LRRC4C: variants seen among roughly 807,000 people sequenced by gnomAD.
The protein encoded by LRRC4C is leucine rich repeat containing 4C, also known as leucine-rich repeat-containing protein 4C.
A neutral mutation model predicts 33.6 loss-of-function variants in LRRC4C; 5 were observed. That is an observed-to-expected ratio of 0.15 (90% CI 0.08 to 0.31). LRRC4C has a LOEUF of 0.31. Among genes scored for constraint, LRRC4C ranks in the 10% least tolerant of loss-of-function variants. The probability of loss-of-function intolerance (pLI) is 1.00; values close to 1 mark genes in which losing one functional copy is unlikely to be tolerated. For synonymous variants in LRRC4C, 329 were observed against 302.0 expected, an observed-to-expected ratio of 1.09 and a Z score of -0.93; for missense variants, 560 against 796.7, an observed-to-expected ratio of 0.70 and a Z score of 3.58.
chr11:41,104,525 T>C (rs1941382279), intron 1 of LRRC4C, among the ~76,000 whole-genome samples: 1 of 151,900 alleles, frequency 6.6e-6, no homozygotes, highest in South Asian at 2.1e-4. Flanking sequence ...GAAAATGAGA[T>C]CGTACAATCA....
chr11:40,382,200 T>A (rs1948907226), intron 3 of LRRC4C, among the ~76,000 whole-genome samples: 1 of 147,884 alleles, frequency 6.8e-6, no homozygotes, highest in African/African-American at 2.5e-5. Context: ...ACTAGGTTGG[T>A]CTCGATCTCC....
Position 40,612,952 on chromosome 11 carries a change from C to T in LRRC4C, c.-270+35190G>A, listed in dbSNP as rs1466241664. ...GTTTTAAGTGTCCACTGACATTATG[C>T]ATTAAAAAATAATGTGCATACCTTG... On this transcript the variant is annotated intron_variant, in intron 3 of 6. Transcript: ENST00000528697. Among the ~76,000 whole-genome samples the T allele has an allele frequency of 3.3e-5, 5 of 151,914 alleles. No individual in the cohort carries two copies. In the East Asian group the frequency reaches 9.7e-4, roughly 29 times the overall value.
intron 1 of LRRC4C, among the ~76,000 whole-genome samples, chr11:40,972,679 G>A (rs943040037): frequency 1.3e-5 from 2 of 152,106 alleles, no homozygotes; most frequent in Admixed American, 1.3e-4. Context: ...GCGAAGTTGG[G>A]AAAAGCCCCT....
intron 1 of LRRC4C, among the ~76,000 whole-genome samples, chr11:40,955,435 G>T (rs1958911980): frequency 2.6e-5 from 4 of 151,180 alleles, no homozygotes; most frequent in Admixed American, 2.6e-4. Context: ...TCACTGGGGG[G>T]GAAAAACACA....
chr11:40,907,655 TC>T (rs1387046148), intron 2 of LRRC4C, among the ~76,000 whole-genome samples: 1 of 152,160 alleles, frequency 6.6e-6, no homozygotes, highest in Non-Finnish European at 1.5e-5. Context: ...AAAATACAAC[TC>T]TTCCTCTCTA....
At chr11:40,969,580 T>C (rs1851585712) in intron 1 of LRRC4C, among the ~76,000 whole-genome samples, 1 of 152,050 alleles carries the variant, frequency 6.6e-6, no homozygotes, top group South Asian at 2.1e-4. Context: ...ACCACCCTGA[T>C]CAGTCAGCAA....
intron 1 of LRRC4C, among the ~76,000 whole-genome samples, chr11:41,447,445 A>G (rs181341910): frequency 1.3e-5 from 2 of 152,360 alleles, no homozygotes; most frequent in East Asian, 3.9e-4. Flanking sequence ...ATTTAAAAAC[A>G]CTATGATATC....
At chr11:40,651,279 A>G (rs971099974) in intron 2 of LRRC4C, among the ~76,000 whole-genome samples, 2 of 152,138 alleles carry the variant, frequency 1.3e-5, no homozygotes, top group African/African-American at 4.8e-5. Context: ...GTGTCTTAAC[A>G]CGTTCATCAA....
At chr11:41,164,433 T>C (rs1161137476) in intron 1 of LRRC4C, among the ~76,000 whole-genome samples, 2 of 152,118 alleles carry the variant, frequency 1.3e-5, no homozygotes, top group Non-Finnish European at 2.9e-5. Context: ...ACCTTTTTTT[T>C]ACATAAGTAA....
Position 41,001,265 on chromosome 11 carries a change from C to T in LRRC4C, c.-495-67542G>A, listed in dbSNP as rs114413218. ...CCTGGGAGTCTCCAGTGTCCAGTATCGGTTTCCCCTTTTCAGTGAAGGATT... is the reference window on the plus strand; with the variant it reads ...CCTGGGAGTCTCCAGTGTCCAGTATTGGTTTCCCCTTTTCAGTGAAGGATT... On this transcript the variant is annotated intron_variant, in intron 1 of 6. Coordinates refer to ENST00000528697, the MANE Select transcript of LRRC4C (RefSeq NM_001258419.2). 2.2e-3 allele frequency among the ~76,000 whole-genome samples: 337 copies of T among 152,238 alleles called. 1 individual carries two copies. Among genetic ancestry groups the T allele is most frequent in the African/African-American group, 7.9e-3 (328 of 41,546 alleles).
At chr11:40,914,557 C>A (rs963777224) in intron 2 of LRRC4C, among the ~76,000 whole-genome samples, 305 of 152,074 alleles carry the variant, frequency 2.0e-3, no homozygotes, top group Non-Finnish European at 3.5e-3. Context: ...TCAAAATAAT[C>A]AGAGCTATCT....
At chr11:41,240,860 AG>A (rs1344709083) in intron 1 of LRRC4C, among the ~76,000 whole-genome samples, 2 of 152,176 alleles carry the variant, frequency 1.3e-5, no homozygotes, top group Admixed American at 1.3e-4. Flanking sequence ...GAGGTATTAC[AG>A]TAAAAAAAAT....
chr11:40,478,419 A>G (rs1165788264), intron 3 of LRRC4C, among the ~76,000 whole-genome samples: 1 of 152,132 alleles, frequency 6.6e-6, no homozygotes, highest in East Asian at 1.9e-4. Context: ...AGTCCATGCT[A>G]TGGTTTCCTT....
chr11:41,195,462 C>A (rs1054022231), intron 1 of LRRC4C, among the ~76,000 whole-genome samples: 2 of 152,046 alleles, frequency 1.3e-5, no homozygotes, highest in African/African-American at 4.8e-5. Flanking sequence ...CAGAAACTGA[C>A]AATCCACTGG....
chr11:41,421,909 G>A (rs577347719), intron 1 of LRRC4C, among the ~76,000 whole-genome samples: 2 of 152,030 alleles, frequency 1.3e-5, no homozygotes, highest in Admixed American at 6.6e-5. Context: ...GATTGAGACC[G>A]ATAAGTGGTC....
chr11:41,194,857 T>C (rs1946115152), intron 1 of LRRC4C, among the ~76,000 whole-genome samples: 1 of 152,108 alleles, frequency 6.6e-6, no homozygotes, highest in Non-Finnish European at 1.5e-5. Flanking sequence ...TATATAACAA[T>C]AGATAAATAA....
At chr11:40,795,126 C>A (rs1298821241) in intron 2 of LRRC4C, among the ~76,000 whole-genome samples, 1 of 152,132 alleles carries the variant, frequency 6.6e-6, no homozygotes, top group Non-Finnish European at 1.5e-5. Flanking sequence ...AAAGCAATAA[C>A]ATACTCTAAA....
rs1036251858 is a variant in LRRC4C at position 40,717,568 on chromosome 11, G to T, written c.-406-69290C>A. Among the ~76,000 whole-genome samples, 6 of 151,652 alleles carry T rather than the reference G, an allele frequency of 4.0e-5. No homozygotes were observed. The South Asian group carries it at 1.3e-3, about 32-fold the overall frequency. On this transcript the variant is annotated intron_variant, in intron 2 of 6. Transcript: ENST00000528697. ...AAAATAACATGGGGTTCTTTTTTTG[G>T]GGGGGTACAGATTAGGTACCAGTCA...
intron 1 of LRRC4C, among the ~76,000 whole-genome samples, chr11:41,009,472 T>G (rs2137504537): frequency 6.6e-6 from 1 of 152,228 alleles, no homozygotes; most frequent in Admixed American, 6.5e-5. Context: ...AGCAAGAGGT[T>G]GTGAGCTTTG....
Sources: gnomAD v4.1 joint callset for allele counts (sites outside exome capture counted in the v4.1 genomes callset) on GRCh38, gnomAD v4.1.1 for gene constraint, MANE v1.5 for transcripts, NCBI Gene and HGNC (gene_info 2026-07-23, HGNC 2026-07-21) for gene names.